Variants in CCAR1 observed in about 807,000 individuals in gnomAD.
The protein encoded by CCAR1 is cell division cycle and apoptosis regulator 1.
A neutral mutation model predicts 163.8 loss-of-function variants in CCAR1; 78 were observed. The observed-to-expected ratio is 0.48, with a 90% CI of 0.40 to 0.57. The LOEUF is 0.57. Among genes scored for constraint, CCAR1 ranks in the 20% least tolerant of loss-of-function variants. The pLI, the probability that CCAR1 is intolerant of heterozygous loss-of-function variation, is 0.00. For synonymous variants in CCAR1, 443 were observed against 460.7 expected (o/e 0.96, Z 0.49); for missense variants, 1,019 against 1,365.2 (o/e 0.75, Z 4.00).
intron 1 of CCAR1, chr10:68,721,796 A>G: frequency 3.9e-6 from 1 of 258,302 alleles, no homozygotes; most frequent in Non-Finnish European, 7.9e-6. Flanking sequence ...CTGGCCCTTG[A>G]GGGTCGTGGC....
chr10:68,735,472 C>T (rs1311574285), intron 2 of CCAR1, among the ~76,000 whole-genome samples: 3 of 148,372 alleles, frequency 2.0e-5, no homozygotes, highest in Admixed American at 1.4e-4. Context: ...TGTCTGGGCT[C>T]AAGTAATCCT....
At chr10:68,730,438 A>G (rs908858056) in intron 2 of CCAR1, among the ~76,000 whole-genome samples, 1 of 151,434 alleles carries the variant, frequency 6.6e-6, no homozygotes, top group African/African-American at 2.4e-5. Context: ...CTTGGGTTCA[A>G]GTGATTCTCC....
chr10:68,728,040 T>C (rs763174926), intron 2 of CCAR1, among the ~76,000 whole-genome samples: 7 of 152,218 alleles, frequency 4.6e-5, no homozygotes, highest in Non-Finnish European at 1.0e-4. Flanking sequence ...TTTCACCATG[T>C]TGTCCAGGCT....
chr10:68,741,138 A>G (rs952510839), intron 5 of CCAR1, among the ~76,000 whole-genome samples: 6 of 151,854 alleles, frequency 4.0e-5, no homozygotes, highest in African/African-American at 1.2e-4. Context: ...GGTCTCGCCT[A>G]AGGTCCAGAC....
At chr10:68,786,277 A>G in intron 20 of CCAR1, 59 bp downstream of exon 20, 1 of 1,207,322 alleles carries the variant, frequency 8.3e-7, no homozygotes. Flanking sequence ...ATCTAAACAT[A>G]ACACAGTTGT....
At chr10:68,763,165 AT>A (rs1348101636) in intron 16 of CCAR1, among the ~76,000 whole-genome samples, 1 of 151,462 alleles carries the variant, frequency 6.6e-6, no homozygotes, top group Non-Finnish European at 1.5e-5. Flanking sequence ...TTATTTATTT[AT>A]TTTGAGACGG....
At chr10:68,771,131 A>G in intron 17 of CCAR1, 75 bp from the exon 18 acceptor site, 2 of 1,332,944 alleles carry the variant, frequency 1.5e-6, no homozygotes, top group Middle Eastern at 1.9e-4. Flanking sequence ...GCAAGTTTTT[A>G]TTTGCTAAAT....
intron 18 of CCAR1, among the ~76,000 whole-genome samples, chr10:68,772,772 C>CAT (rs1005005362): frequency 1.3e-5 from 2 of 148,354 alleles, no homozygotes; most frequent in African/African-American, 2.5e-5. Context: ...AAAAAAAAAC[C>CAT]ATATATATAT....
At chr10:68,786,252 G>A in intron 20 of CCAR1, 34 bp downstream of exon 20, 1 of 1,370,842 alleles carries the variant, frequency 7.3e-7, no homozygotes, top group South Asian at 1.2e-5. Flanking sequence ...TTATAATATG[G>A]TGATATCTTA....
intron 16 of CCAR1, among the ~76,000 whole-genome samples, chr10:68,762,438 CAG>C (rs1245722752): frequency 6.6e-5 from 10 of 152,082 alleles, no homozygotes; most frequent in African/African-American, 2.4e-4. Flanking sequence ...ACTTCTAAAA[CAG>C]TATGTTTGAT....
intron 19 of CCAR1, among the ~76,000 whole-genome samples, chr10:68,774,638 A>T (rs1398660950): frequency 6.6e-6 from 1 of 152,152 alleles, no homozygotes; most frequent in Non-Finnish European, 1.5e-5. Flanking sequence ...CTCAAAAAAA[A>T]AAAAAACTAA....
At chr10:68,732,989 G>A (rs1025130377) in intron 2 of CCAR1, among the ~76,000 whole-genome samples, 17 of 152,164 alleles carry the variant, frequency 1.1e-4, no homozygotes, top group East Asian at 3.9e-4. Context: ...TTCTCATTGC[G>A]GTTAACCTCA....
At chr10:68,747,309 C>G in intron 7 of CCAR1, 34 bp downstream of exon 7, 1 of 1,582,264 alleles carries the variant, frequency 6.3e-7, no homozygotes, top group Non-Finnish European at 8.6e-7. Flanking sequence ...ATTATAGAAG[C>G]TTGGTAAATG....
chr10:68,771,538 G>A, intron 18 of CCAR1, 93 bp downstream of exon 18: 1 of 1,147,754 alleles, frequency 8.7e-7, no homozygotes, highest in Non-Finnish European at 1.3e-6. Context: ...AGATGTAAAA[G>A]CCAAACTGAA....
intron 10 of CCAR1, among the ~76,000 whole-genome samples, chr10:68,750,837 C>T (rs971861525): frequency 1.4e-4 from 22 of 152,082 alleles, no homozygotes; most frequent in Non-Finnish European, 3.2e-4. Context: ...TGATAATTAC[C>T]GTTCATAATA....
At position 68,754,688 on chromosome 10, in the gene CCAR1, A is replaced by T. The variant is rs776859842; in HGVS notation, c.1345-26A>T. The stretch of plus-strand genomic sequence containing the variant: ...TTTCACATTACTTTAGACTTTTGAC[A>T]GGATTGAATTATTTGACTATAATAG... On this transcript the variant is annotated intron_variant, in intron 11 of 24. Coordinates refer to ENST00000265872, the MANE Select transcript of CCAR1 (RefSeq NM_018237.4). 3.4e-6 allele frequency: 4 copies of T among 1,189,714 alleles called. No homozygotes were observed. The East Asian group carries it at 9.4e-5, about 28-fold the overall frequency. The allele number at this position is 1,189,714 out of a possible 1,614,324, so 73.7% of individuals were successfully genotyped here.
chr10:68,777,003 C>T (rs1418278553), intron 19 of CCAR1, among the ~76,000 whole-genome samples: 3 of 152,198 alleles, frequency 2.0e-5, no homozygotes, highest in Non-Finnish European at 4.4e-5. Flanking sequence ...ATCCTACAAC[C>T]TTAGCCTTTG....
intron 6 of CCAR1, among the ~76,000 whole-genome samples, chr10:68,743,120 G>GAC (rs2056204443): frequency 6.6e-6 from 1 of 151,892 alleles, no homozygotes; most frequent in Non-Finnish European, 1.5e-5. Flanking sequence ...TTTAGTATGA[G>GAC]ACAGAGTGTC....
rs1457378691 is a variant in CCAR1 at position 68,756,764 on chromosome 10, G to A, written c.1836+281G>A. ...ATCATAGGTCTAGTTGCTGGAATCT[G>A]GGACCAGTTGTTGAACAAGATTCAG... On this transcript the variant is annotated intron_variant, in intron 14 of 24. Transcript: ENST00000265872. This position sits in a 1 kb window ranked among gnomAD's most constrained non-coding sequence, Gnocchi z 5.1. 1.3e-5 allele frequency: 6 copies of A among 458,990 alleles called. No homozygotes were observed. The Admixed American group carries it at 2.0e-4, about 15-fold the overall frequency. 28.4% of individuals were successfully genotyped at this position (458,990 alleles called of 1,614,324 possible). A position where few individuals can be genotyped will look rare whatever the true frequency, so the allele number is the denominator to read the frequency against.
Sources: gnomAD v4.1 joint callset for allele counts (sites outside exome capture counted in the v4.1 genomes callset) on GRCh38, gnomAD v4.1.1 for gene constraint, Gnocchi (gnomAD v3.1) non-coding constraint, MANE v1.5 for transcripts, NCBI Gene and HGNC (gene_info 2026-07-23, HGNC 2026-07-21) for gene names.